The following TAFA5 variants were observed in gnomAD, a reference collection of about 807,000 sequenced individuals.
The protein encoded by TAFA5 is chemokine-like protein TAFA-5.
Under a neutral mutation model 15.3 loss-of-function variants are expected in TAFA5, and 6 were observed. The ratio of observed to expected loss-of-function variants is 0.39; its 90% CI spans 0.21 to 0.77. The LOEUF is 0.77. Among genes scored for constraint, TAFA5 ranks in the 30% least tolerant of loss-of-function variants. The probability of loss-of-function intolerance (pLI) is 0.41; values close to 1 mark genes in which losing one functional copy is unlikely to be tolerated. For synonymous variants in TAFA5, 103 were observed against 80.7 expected, an observed-to-expected ratio of 1.28 and a Z score of -1.48; for missense variants, 161 against 193.1, an observed-to-expected ratio of 0.83 and a Z score of 0.98.
intron 2 of TAFA5, among the ~76,000 whole-genome samples, chr22:48,668,539 A>G (rs13056193): frequency 4.4e-4 from 2 of 4,524 alleles, no homozygotes; most frequent in Non-Finnish European, 6.1e-4. Context: ...TCAGGGCCGC[A>G]TCTTCACTGG....
intron 1 of TAFA5, among the ~76,000 whole-genome samples, chr22:48,539,988 G>T (rs1461709997): frequency 6.6e-6 from 1 of 152,146 alleles, no homozygotes; most frequent in African/African-American, 2.4e-5. Context: ...GGGTCTGGCA[G>T]AGCCCATGTC....
chr22:48,681,059 G>A (rs1248185154), intron 2 of TAFA5, among the ~76,000 whole-genome samples: 1 of 152,248 alleles, frequency 6.6e-6, no homozygotes, highest in African/African-American at 2.4e-5. Flanking sequence ...CTACCTGTCA[G>A]ATTCAGTGGA....
chr22:48,748,722 G>A (rs1264619665), intron 3 of TAFA5, among the ~76,000 whole-genome samples: 3 of 152,318 alleles, frequency 2.0e-5, no homozygotes, highest in Admixed American at 6.5e-5. Flanking sequence ...AGCTGGCCAG[G>A]GTGCTGGAGA....
intron 2 of TAFA5, among the ~76,000 whole-genome samples, chr22:48,670,578 G>A (rs1050288068): frequency 6.6e-6 from 1 of 152,244 alleles, no homozygotes; most frequent in Non-Finnish European, 1.5e-5. Context: ...ATCCATCGGT[G>A]GAGGTGGGGG....
At chr22:48,600,933 G>A (rs538484064) in intron 1 of TAFA5, among the ~76,000 whole-genome samples, 1 of 152,110 alleles carries the variant, frequency 6.6e-6, no homozygotes, top group Non-Finnish European at 1.5e-5. Flanking sequence ...CGGTGCCCAC[G>A]TCATTCCCCC....
intron 2 of TAFA5, among the ~76,000 whole-genome samples, chr22:48,686,959 T>C (rs1041019457): frequency 6.8e-6 from 1 of 146,934 alleles, no homozygotes; most frequent in South Asian, 2.2e-4. Flanking sequence ...GGGTGGGTGA[T>C]GAATGAGTGA....
chr22:48,717,490 C>T (rs529391629), intron 3 of TAFA5, among the ~76,000 whole-genome samples: 11 of 152,316 alleles, frequency 7.2e-5, no homozygotes, highest in South Asian at 4.1e-4. Flanking sequence ...AGCAGGAATT[C>T]GCAAATGAAT....
At chr22:48,493,954 A>T (rs568068546) in intron 1 of TAFA5, among the ~76,000 whole-genome samples, 151 of 152,288 alleles carry the variant, frequency 9.9e-4, no homozygotes, top group African/African-American at 3.4e-3. Flanking sequence ...AGATAGGGCC[A>T]GAAGGGGGGT....
intron 1 of TAFA5, among the ~76,000 whole-genome samples, chr22:48,514,676 AC>A (rs1415598449): frequency 6.6e-6 from 1 of 152,094 alleles, no homozygotes; most frequent in African/African-American, 2.4e-5. Context: ...CCCGGTGGAG[AC>A]CCACCGTCCT....
intron 1 of TAFA5, among the ~76,000 whole-genome samples, chr22:48,525,839 T>C (rs1360949796): frequency 6.6e-6 from 1 of 152,162 alleles, no homozygotes; most frequent in Non-Finnish European, 1.5e-5. Flanking sequence ...CGAGGCATCC[T>C]GAGGTCGCCC....
At chr22:48,675,989 G>T (rs188520657) in intron 2 of TAFA5, among the ~76,000 whole-genome samples, 2 of 152,410 alleles carry the variant, frequency 1.3e-5, no homozygotes, top group Non-Finnish European at 2.9e-5. Flanking sequence ...AGCAGGTGCT[G>T]CCTCCAGAAG....
At position 48,530,418 on chromosome 22, in the gene TAFA5, T is replaced by A. The variant is rs185625393; in HGVS notation, c.112+40714T>A. ...ACCGGGCACTGTCGTGGGGCCGGCA[T>A]TCAACTGAAAGGATTGGCTTCGAGT... On this transcript the variant is annotated intron_variant, in intron 1 of 3. Transcript: ENST00000402357. The surrounding 1 kb of genome is among the most constrained non-coding windows in gnomAD (Gnocchi z 6.0). Among the ~76,000 whole-genome samples, 1 of 152,146 alleles carries A rather than the reference T, an allele frequency of 6.6e-6. No individual in the cohort carries two copies. Among genetic ancestry groups the A allele is most frequent in the South Asian group, 2.1e-4 (1 of 4,826 alleles).
At chr22:48,692,434 A>G (rs915369328) in intron 2 of TAFA5, among the ~76,000 whole-genome samples, 8 of 152,152 alleles carry the variant, frequency 5.3e-5, no homozygotes, top group African/African-American at 1.9e-4. Context: ...TACTTAATTG[A>G]TTTAATTTTT....
At chr22:48,601,429 C>T (rs188439369) in intron 1 of TAFA5, among the ~76,000 whole-genome samples, 8 of 152,234 alleles carry the variant, frequency 5.3e-5, no homozygotes, top group East Asian at 3.9e-4. Context: ...CAGGCTCAAG[C>T]GATTCTCCTG....
At chr22:48,719,240 C>G (rs1929495881) in intron 3 of TAFA5, among the ~76,000 whole-genome samples, 1 of 152,188 alleles carries the variant, frequency 6.6e-6, no homozygotes, top group Non-Finnish European at 1.5e-5. Flanking sequence ...CAGGTGGACG[C>G]AGAGCCGGCA....
intron 1 of TAFA5, among the ~76,000 whole-genome samples, chr22:48,602,086 T>C (rs55960154): frequency 0.011 from 1,709 of 152,268 alleles, 29 homozygotes; most frequent in African/African-American, 0.039. Flanking sequence ...CAGGACCCTC[T>C]GGGTGGTGCG....
intron 1 of TAFA5, among the ~76,000 whole-genome samples, chr22:48,596,240 A>T (rs112987297): frequency 1.5e-3 from 232 of 152,332 alleles, no homozygotes; most frequent in African/African-American, 5.2e-3. Context: ...TGTTGAAGAG[A>T]CGCGGCCTTC....
chr22:48,597,164 C>T (rs1249773164), intron 1 of TAFA5, among the ~76,000 whole-genome samples: 1 of 152,250 alleles, frequency 6.6e-6, no homozygotes, highest in Non-Finnish European at 1.5e-5. Flanking sequence ...CCTCGTGAAC[C>T]ACCATTGATG....
chr22:48,632,595 G>A (rs918827292), intron 1 of TAFA5, among the ~76,000 whole-genome samples: 6 of 151,822 alleles, frequency 4.0e-5, no homozygotes, highest in Non-Finnish European at 7.3e-5. Context: ...CCCTGGAGAG[G>A]CTGTGAGCAC....
Sources: gnomAD v4.1 joint callset for allele counts (sites outside exome capture counted in the v4.1 genomes callset) on GRCh38, gnomAD v4.1.1 for gene constraint, Gnocchi (gnomAD v3.1) non-coding constraint, MANE v1.5 for transcripts, NCBI Gene and HGNC (gene_info 2026-07-23, HGNC 2026-07-21) for gene names.